Variants in PARD3B observed in about 807,000 individuals in gnomAD.
PARD3B encodes partitioning defective 3 homolog B.
PARD3B carries 103 observed loss-of-function variants against 130.2 expected under a neutral mutation model. The ratio of observed to expected loss-of-function variants is 0.79; its 90% confidence interval spans 0.67 to 0.93. The LOEUF is 0.93. PARD3B is among the 40% of genes least tolerant of loss of function. PARD3B has a pLI of 0.00. For missense variants in PARD3B, 1,609 were observed against 1,499.2 expected, an observed-to-expected ratio of 1.07 and a Z score of -1.21; for synonymous variants, 583 against 553.2, an observed-to-expected ratio of 1.05 and a Z score of -0.76.
At chr2:204,628,101 C>T (rs1445099402) in intron 1 of PARD3B, among the ~76,000 whole-genome samples, 1 of 151,734 alleles carries the variant, frequency 6.6e-6, no homozygotes, top group Non-Finnish European at 1.5e-5. Flanking sequence ...ATTGGACACC[C>T]CTGATTTAGA....
intron 2 of PARD3B, among the ~76,000 whole-genome samples, chr2:204,862,420 A>G (rs2045247018): frequency 6.6e-6 from 1 of 152,166 alleles, no homozygotes. Context: ...TATTAAAAGG[A>G]GGAAAAATTG....
chr2:205,104,523 T>C lies in PARD3B; in HGVS notation c.593+9T>C. Reference sequence around the variant, plus strand: ...ACTAAGGACACATTGAGGTATTCTCTTTATACAGATAAGAATATCTGATTT... The same window carrying C: ...ACTAAGGACACATTGAGGTATTCTCCTTATACAGATAAGAATATCTGATTT... On this transcript the variant is annotated intron_variant, in intron 5 of 22. Coordinates refer to ENST00000406610, the MANE Select transcript of PARD3B (RefSeq NM_001302769.2). 2 of 1,445,990 alleles carry C rather than the reference T, an allele frequency of 1.4e-6. No homozygotes were observed. The highest frequency in any genetic ancestry group is 9.7e-7 in the Non-Finnish European group (1 of 1,028,712). The allele number at this position is 1,445,990 out of a possible 1,614,324, so 89.6% of individuals were successfully genotyped here. A position where few individuals can be genotyped will look rare whatever the true frequency, so the allele number is the denominator to read the frequency against.
chr2:204,910,426 G>T (rs887187102), intron 2 of PARD3B, among the ~76,000 whole-genome samples: 1 of 152,090 alleles, frequency 6.6e-6, no homozygotes, highest in Non-Finnish European at 1.5e-5. Flanking sequence ...TAATAACCAA[G>T]GTAAAAGATA....
Position 205,503,037 on chromosome 2 carries a change from T to C in PARD3B, c.3180+3006T>C, listed in dbSNP as rs181571119. On this transcript the variant is annotated intron_variant, in intron 21 of 22. Transcript: ENST00000406610. ...CCTCTCCCCTCTCCCCTCTCTCTTC[T>C]CTCTTCCCTCTTCCCTCTTCCCCTC... is the stretch of plus-strand genomic sequence containing the variant. 4.2e-5 allele frequency among the ~76,000 whole-genome samples: 6 copies of C among 143,140 alleles called. No homozygotes were observed. In the East Asian group the frequency reaches 9.1e-4, roughly 22 times the overall value. The allele number at this position is 143,140 out of a possible 152,430, so 93.9% of individuals were successfully genotyped here.
In PARD3B at chr2:205,585,272, C is replaced by A. The variant is rs1281448108; in HGVS notation, c.3261-30184C>A. Among the ~76,000 whole-genome samples, 1 of 152,108 alleles carries A rather than the reference C, an allele frequency of 6.6e-6. No individual in the cohort carries two copies. Among genetic ancestry groups the A allele is most frequent in the East Asian group, 1.9e-4 (1 of 5,184 alleles). The stretch of plus-strand genomic sequence containing the variant: ...CCCACAAAGTAAATGCTGTCTTGGG[C>A]TTTTAAGTGAATTGGGGCTAACAAA... On this transcript the variant is annotated intron_variant, in intron 22 of 22. Coordinates refer to ENST00000406610, the MANE Select transcript of PARD3B (RefSeq NM_001302769.2). This position sits in a 1 kb window ranked among gnomAD's most constrained non-coding sequence, Gnocchi z 5.4.
At chr2:205,126,080 C>A (rs1027107093) in intron 10 of PARD3B, among the ~76,000 whole-genome samples, 14 of 152,276 alleles carry the variant, frequency 9.2e-5, no homozygotes, top group African/African-American at 3.1e-4. Context: ...TGTGGACCTA[C>A]TTTAATGAAG....
chr2:205,225,735 G>C (rs72938094), intron 15 of PARD3B, among the ~76,000 whole-genome samples: 1 of 152,102 alleles, frequency 6.6e-6, no homozygotes, highest in South Asian at 2.1e-4. Flanking sequence ...AGGGGAAAGT[G>C]CCGCACACTT....
intron 1 of PARD3B, among the ~76,000 whole-genome samples, chr2:204,642,329 TG>T (rs936406251): frequency 6.6e-6 from 1 of 152,190 alleles, no homozygotes; most frequent in Non-Finnish European, 1.5e-5. Flanking sequence ...ACACTGTGCT[TG>T]GGTAGGCTTT....
At chr2:205,384,277 C>A (rs1269993539) in intron 18 of PARD3B, among the ~76,000 whole-genome samples, 1 of 152,094 alleles carries the variant, frequency 6.6e-6, no homozygotes, top group East Asian at 1.9e-4. Context: ...TATATCCTTT[C>A]CCTTCCTTTA....
intron 3 of PARD3B, among the ~76,000 whole-genome samples, chr2:205,007,444 G>T (rs373433323): frequency 6.6e-6 from 1 of 152,116 alleles, no homozygotes; most frequent in South Asian, 2.1e-4. Context: ...ATTGAATAGG[G>T]TGTCTTTTCC....
chr2:204,657,394 T>G (rs558204570), intron 1 of PARD3B, among the ~76,000 whole-genome samples: 5 of 152,274 alleles, frequency 3.3e-5, no homozygotes, highest in African/African-American at 1.2e-4. Context: ...TGGTCCCAGC[T>G]ACTTGGGAGA....
At chr2:205,170,531 C>G (rs1045238307) in intron 11 of PARD3B, among the ~76,000 whole-genome samples, 6 of 152,110 alleles carry the variant, frequency 3.9e-5, no homozygotes, top group African/African-American at 1.4e-4. Flanking sequence ...TATGGGCGGC[C>G]CCTGCAATCC....
At chr2:204,607,079 C>T (rs1016127146) in intron 1 of PARD3B, among the ~76,000 whole-genome samples, 1 of 152,072 alleles carries the variant, frequency 6.6e-6, no homozygotes, top group Non-Finnish European at 1.5e-5. Flanking sequence ...AAAATAGAAT[C>T]CTTGGCATAG....
At chr2:205,138,440 T>G (rs1454985992) in intron 10 of PARD3B, among the ~76,000 whole-genome samples, 3 of 152,180 alleles carry the variant, frequency 2.0e-5, no homozygotes, top group African/African-American at 7.2e-5. Flanking sequence ...AGAGAATTAC[T>G]CTTTTAGACA....
At position 205,590,782 on chromosome 2, in the gene PARD3B, G is replaced by T. The variant is rs2054360210; in HGVS notation, c.3261-24674G>T. Among the ~76,000 whole-genome samples, 1 of 152,114 alleles carries T rather than the reference G, an allele frequency of 6.6e-6. No homozygotes were observed. The highest frequency in any genetic ancestry group is 2.4e-5 in the African/African-American group (1 of 41,438). ...AGAAGCTGTTGCCACATATTCACAAGAAGTAGGATGAGTACCAAATCCCTA... is the reference window on the plus strand; with the variant it reads ...AGAAGCTGTTGCCACATATTCACAATAAGTAGGATGAGTACCAAATCCCTA... On this transcript the variant is annotated intron_variant, in intron 22 of 22. Coordinates refer to ENST00000406610, the MANE Select transcript of PARD3B (RefSeq NM_001302769.2). The surrounding 1 kb of genome is among the most constrained non-coding windows in gnomAD (Gnocchi z 4.1).
rs1175889001 is a variant in PARD3B, at chr2:204,678,350, T to C, written c.121-7831T>C. On this transcript the variant is annotated intron_variant, in intron 1 of 22. Transcript: ENST00000406610. This position sits in a 1 kb window ranked among gnomAD's most constrained non-coding sequence, Gnocchi z 4.2. ...TTGGTTGTTGCCTTCAACAGAGAGC[T>C]AAGCCTTAACCAGCTCAGTGGAGAG... 6.6e-6 allele frequency among the ~76,000 whole-genome samples: 1 copy of C among 152,178 alleles called. No individual in the cohort carries two copies. Among genetic ancestry groups the C allele is most frequent in the Non-Finnish European group, 1.5e-5 (1 of 68,026 alleles).
intron 2 of PARD3B, among the ~76,000 whole-genome samples, chr2:204,776,164 A>G (rs945097116): frequency 4.6e-5 from 7 of 152,148 alleles, no homozygotes; most frequent in African/African-American, 1.7e-4. Flanking sequence ...GAATGACACA[A>G]TCTCTTGAGA....
intron 22 of PARD3B, among the ~76,000 whole-genome samples, chr2:205,554,849 A>T (rs1331925785): frequency 1.3e-5 from 2 of 152,200 alleles, no homozygotes; most frequent in Non-Finnish European, 2.9e-5. Flanking sequence ...GAAGATGTGC[A>T]TAGGTTATAT....
intron 19 of PARD3B, among the ~76,000 whole-genome samples, chr2:205,413,631 T>C (rs1467421022): frequency 6.6e-6 from 1 of 152,150 alleles, no homozygotes; most frequent in African/African-American, 2.4e-5. Context: ...TCAAGAAATA[T>C]GAGGTTATTT....
Sources: allele counts gnomAD v4.1 joint callset (sites outside exome capture counted in the v4.1 genomes callset), GRCh38; gene constraint gnomAD v4.1.1; non-coding constraint Gnocchi (gnomAD v3.1); transcripts MANE v1.5; gene names NCBI Gene and HGNC (gene_info 2026-07-23, HGNC 2026-07-21).